CLC: variants seen among roughly 807,000 people sequenced by gnomAD.
CLC encodes the protein galectin-10.
In CLC, 15 loss-of-function variants were observed where a neutral mutation model predicts 13.9. That is an observed-to-expected ratio of 1.08 (90% CI 0.72 to 1.66). The LOEUF (loss-of-function observed/expected upper bound fraction) is 1.66. CLC is among the 40% of genes most tolerant of loss of function. CLC has a pLI of 0.00. For synonymous variants in CLC, 68 were observed against 59.9 expected (o/e 1.14, Z -0.63); for missense variants, 161 against 169.1 (o/e 0.95, Z 0.27).
At chr19:39,733,553 G>A (rs886893414) in intron 3 of CLC, among the ~76,000 whole-genome samples, 18 of 152,114 alleles carry the variant, frequency 1.2e-4, no homozygotes, top group African/African-American at 4.1e-4. Flanking sequence ...TCTTGTAAAG[G>A]GTCAAGTACA....
chr19:39,733,418 AT>A (rs1333884102), intron 3 of CLC, among the ~76,000 whole-genome samples: 10 of 152,228 alleles, frequency 6.6e-5, no homozygotes, highest in Non-Finnish European at 1.2e-4. Context: ...TGAACCAGTT[AT>A]TCCTTTTCTT....
chr19:39,735,741 C>T (rs115789491), intron 1 of CLC, among the ~76,000 whole-genome samples: 3 of 152,094 alleles, frequency 2.0e-5, no homozygotes, highest in Non-Finnish European at 4.4e-5. Context: ...AGATGTAAAC[C>T]CTTTAGCCTA....
chr19:39,733,795 A>G (rs1387501532), intron 3 of CLC: 1 of 244,514 alleles, frequency 4.1e-6, no homozygotes, highest in Non-Finnish European at 6.5e-6. Flanking sequence ...AGAAGAGTAG[A>G]GAAGCTAGTA....
At chr19:39,735,643 A>C (rs1967297071) in intron 1 of CLC, among the ~76,000 whole-genome samples, 1 of 152,170 alleles carries the variant, frequency 6.6e-6, no homozygotes, top group African/African-American at 2.4e-5. Context: ...CTATTGCTTA[A>C]ACTCTCCCTG....
At chr19:39,733,904 T>C (rs977404455) in intron 3 of CLC, 75 of 982,720 alleles carry the variant, frequency 7.6e-5, no homozygotes, top group Non-Finnish European at 8.7e-5. Context: ...TTTAGCTACA[T>C]GAAAATTTAA....
At chr19:39,737,635 C>T (rs1252064008) in intron 1 of CLC, among the ~76,000 whole-genome samples, 2 of 152,006 alleles carry the variant, frequency 1.3e-5, no homozygotes, top group African/African-American at 4.8e-5. Flanking sequence ...ACTTACACAC[C>T]CACCCATATC....
intron 3 of CLC, among the ~76,000 whole-genome samples, chr19:39,733,584 TA>T (rs1967260072): frequency 6.6e-6 from 1 of 152,172 alleles, no homozygotes; most frequent in Non-Finnish European, 1.5e-5. Flanking sequence ...GAAATCCTTC[TA>T]GGGGAATATT....
Position 39,734,428 on chromosome 19 carries a change from T to G in CLC, c.158A>C (p.His53Pro). 2.5e-6 allele frequency: 4 copies of G among 1,614,136 alleles called. No individual in the cohort carries two copies. The highest frequency in any genetic ancestry group is 3.4e-6 in the Non-Finnish European group (4 of 1,179,994). Residue 53 changes from histidine to proline, a missense_variant, in exon 3 of 4, where the codon CAT (histidine) becomes CCT (proline). By Grantham distance (77) the His-to-Pro change is moderately conservative. Coordinates refer to ENST00000221804, the MANE Select transcript of CLC (RefSeq NM_001828.6). ...EMKEESDIVF[H>P]FQVCFGRRVV... ...ACGACGACCAAAGCACACTTGGAAA[T>G]GGAAGACAATGTCTGATTCCTCCTT...
intron 2 of CLC, 56 bp from the exon 3 acceptor site, chr19:39,734,549 GAC>G: frequency 7.6e-6 from 11 of 1,444,328 alleles, no homozygotes; most frequent in Non-Finnish European, 1.1e-5. Flanking sequence ...GCACACACAA[GAC>G]ACACACACAA....
intron 3 of CLC, 142 bp downstream of exon 3, chr19:39,734,141 G>A (rs965463244): frequency 8.6e-6 from 12 of 1,398,894 alleles, no homozygotes; most frequent in East Asian, 7.5e-5. Flanking sequence ...AGTTATGGGT[G>A]ATGAAAAGCC....
rs186973521 is a variant in CLC, at chr19:39,735,198, C to A, written c.16-125G>T. 7.1e-4 allele frequency: 480 copies of A among 672,378 alleles called. 3 individuals carry two copies. The African/African-American group carries it at 7.7e-3, about 11-fold the overall frequency. 41.7% of individuals were successfully genotyped at this position (672,378 alleles called of 1,614,324 possible). On this transcript the variant is annotated intron_variant, in intron 1 of 3. Coordinates refer to ENST00000221804, the MANE Select transcript of CLC (RefSeq NM_001828.6). Reference sequence around the variant, plus strand: ...AGACTCAGGCCTCCCTGCTCCCACCCTACCTCAGTCAGGACCCCGTATTTT... The same window carrying A: ...AGACTCAGGCCTCCCTGCTCCCACCATACCTCAGTCAGGACCCCGTATTTT...
At chr19:39,734,576 T>C in intron 2 of CLC, 83 bp from the exon 3 acceptor site, 2 of 1,232,228 alleles carry the variant, frequency 1.6e-6, no homozygotes, top group Non-Finnish European at 2.4e-6. Context: ...CTTTGCCCCT[T>C]CCGTGGTCGA....
chr19:39,737,161 C>T (rs1967325500), intron 1 of CLC, among the ~76,000 whole-genome samples: 1 of 151,942 alleles, frequency 6.6e-6, no homozygotes, highest in Non-Finnish European at 1.5e-5. Flanking sequence ...AGACCTGAGG[C>T]TGGAGGCAGG....
intron 1 of CLC, 99 bp from the exon 2 acceptor site, chr19:39,735,172 T>C: frequency 1.2e-6 from 1 of 816,320 alleles, no homozygotes; most frequent in South Asian, 1.4e-5. Flanking sequence ...GATCAAGCAG[T>C]AGACTCAGGC....
chr19:39,735,903 A>T lies in CLC; in HGVS notation c.16-830T>A, dbSNP rs189821479. ...GAGAGATTCACTCCAGTAAGAAACA[A>T]CAACTTTGGGTTAGTTTCAATTTGA... On this transcript the variant is annotated intron_variant, in intron 1 of 3. Transcript: ENST00000221804. 2.0e-5 allele frequency among the ~76,000 whole-genome samples: 3 copies of T among 152,312 alleles called. No individual in the cohort carries two copies. The East Asian group carries it at 5.8e-4, about 29-fold the overall frequency.
intron 1 of CLC, among the ~76,000 whole-genome samples, chr19:39,736,030 T>C (rs1967303429): frequency 6.6e-6 from 1 of 152,204 alleles, no homozygotes; most frequent in Non-Finnish European, 1.5e-5. Flanking sequence ...TGTTTCTGTT[T>C]GTTTGGTGAT....
intron 1 of CLC, among the ~76,000 whole-genome samples, chr19:39,735,368 G>A (rs56806809): frequency 0.027 from 4,151 of 152,246 alleles, 192 homozygotes; most frequent in African/African-American, 0.091. Flanking sequence ...GAATCACCCA[G>A]GCTGTAGTGA....
chr19:39,731,515 G>A lies in CLC; in HGVS notation c.304-10C>T, dbSNP rs1555776001. On this transcript the variant is annotated splice_polypyrimidine_tract_variant and intron_variant, in intron 3 of 3. Coordinates refer to ENST00000221804, the MANE Select transcript of CLC (RefSeq NM_001828.6). ...GGCCATTGACCATTACCTACAGAAG[G>A]AAAAAAATACATCAGAAAGACAGTA... 2.5e-6 allele frequency: 4 copies of A among 1,588,042 alleles called. No individual in the cohort carries two copies. Among genetic ancestry groups the A allele is most frequent in the African/African-American group, 1.4e-5 (1 of 73,860 alleles).
chr19:39,733,243 C>T (rs1201934219), intron 3 of CLC, among the ~76,000 whole-genome samples: 1 of 152,086 alleles, frequency 6.6e-6, no homozygotes, highest in Non-Finnish European at 1.5e-5. Context: ...TCTTTAACAG[C>T]GTATAAACAT....
Sources: gnomAD v4.1 joint callset for allele counts (sites outside exome capture counted in the v4.1 genomes callset) on GRCh38, gnomAD v4.1.1 for gene constraint, MANE v1.5 for transcripts, NCBI Gene and HGNC (gene_info 2026-07-23, HGNC 2026-07-21) for gene names.